The following DMD variants were observed in gnomAD, a reference collection of about 807,000 sequenced individuals.
The protein encoded by DMD is dystrophin.
In DMD, 63 loss-of-function variants were observed where a neutral mutation model predicts 330.1. That is an observed-to-expected ratio of 0.19 (90% CI 0.16 to 0.24). DMD has a LOEUF of 0.24. Among genes scored for constraint, DMD ranks in the 10% least tolerant of loss-of-function variants. DMD has a pLI of 1.00. For missense variants in DMD, 3,344 were observed against 2,684.1 expected (o/e 1.25, Z -5.43); for synonymous variants, 1,223 against 959.8 (o/e 1.27, Z -5.07).
At chrX:33,318,316 T>A (rs993834442) in intron 1 of DMD, among the ~76,000 whole-genome samples, 2 of 111,339 alleles carry the variant, frequency 1.8e-5, no homozygotes, top group African/African-American at 6.5e-5. Flanking sequence ...ACTGTTCTAC[T>A]GAAACAATTA....
At chrX:31,402,217 C>T (rs1022545282) in intron 60 of DMD, among the ~76,000 whole-genome samples, 24 of 111,417 alleles carry the variant, frequency 2.2e-4, no homozygotes, top group Non-Finnish European at 5.7e-5. Flanking sequence ...TGGCAACAGC[C>T]TAGACAATTA....
intron 75 of DMD, among the ~76,000 whole-genome samples, chrX:31,147,055 A>G (rs1471549562): frequency 8.9e-6 from 1 of 112,084 alleles, no homozygotes; most frequent in African/African-American, 3.2e-5. Context: ...TTGGTCAAGA[A>G]AAAACCATTT....
intron 48 of DMD, among the ~76,000 whole-genome samples, chrX:31,849,890 T>A (rs1159295258): frequency 2.7e-5 from 3 of 111,273 alleles, no homozygotes; most frequent in African/African-American, 9.8e-5. Context: ...TAAGTGTCCA[T>A]TCACTTAATT....
chrX:32,570,214 T>A (rs2052249372), intron 15 of DMD, among the ~76,000 whole-genome samples: 1 of 111,432 alleles, frequency 9.0e-6, no homozygotes. Flanking sequence ...CCTAGACATG[T>A]AGTGAAAACT....
At chrX:32,506,677 C>T (rs1178663878) in intron 18 of DMD, among the ~76,000 whole-genome samples, 1 of 111,721 alleles carries the variant, frequency 9.0e-6, no homozygotes, top group Non-Finnish European at 1.9e-5. Context: ...GTGACAGACA[C>T]TTTTTAATAT....
In DMD at chrX:31,187,862, C is replaced by T. The variant is rs891696723; in HGVS notation, c.9808-4958G>A. On this transcript the variant is annotated intron_variant, in intron 67 of 78. Transcript: ENST00000357033. ...TATGTGAATGGCTCTCGCATAGGGG[C>T]CTGTGACCAGCTGTTCGATCTCTCC... Among the ~76,000 whole-genome samples, 8 of 109,514 alleles carry T rather than the reference C, an allele frequency of 7.3e-5. No homozygotes were observed. The Admixed American group carries it at 7.8e-4, about 11-fold the overall frequency.
At chrX:31,178,013 C>G in intron 70 of DMD, 43 bp from the exon 71 acceptor site, 1 of 1,162,388 alleles carries the variant, frequency 8.6e-7, no homozygotes, top group Non-Finnish European at 1.2e-6. Flanking sequence ...CACACGCAAA[C>G]TCAGCCGCAA....
intron 27 of DMD, among the ~76,000 whole-genome samples, chrX:32,443,970 A>T (rs1168416804): frequency 9.0e-6 from 1 of 111,353 alleles, no homozygotes; most frequent in Non-Finnish European, 1.9e-5. Flanking sequence ...TCTGTAAAAC[A>T]TGTATATAGA....
At chrX:32,299,373 A>G (rs932670271) in intron 42 of DMD, among the ~76,000 whole-genome samples, 6 of 111,091 alleles carry the variant, frequency 5.4e-5, no homozygotes, top group Admixed American at 3.9e-4. Flanking sequence ...AGGAAAAAAA[A>G]GAAAAAACTG....
intron 11 of DMD, among the ~76,000 whole-genome samples, chrX:32,638,414 C>A (rs1408923166): frequency 8.9e-6 from 1 of 112,073 alleles, no homozygotes; most frequent in East Asian, 2.8e-4. Context: ...GTCTTAATTT[C>A]AGTTAGATCA....
chrX:32,652,770 A>T (rs985131968), intron 9 of DMD, among the ~76,000 whole-genome samples: 5 of 111,635 alleles, frequency 4.5e-5, no homozygotes, highest in African/African-American at 1.6e-4. Context: ...CTAGTTTACA[A>T]TCCCATCAAC....
At chrX:32,578,609 C>T (rs1398206425) in intron 13 of DMD, among the ~76,000 whole-genome samples, 1 of 111,697 alleles carries the variant, frequency 9.0e-6, no homozygotes, top group Non-Finnish European at 1.9e-5. Context: ...AAAATGGCTA[C>T]TAAAAGAACA....
At chrX:32,518,221 T>C (rs2046056226) in intron 17 of DMD, 90 bp from the exon 18 acceptor site, 1 of 950,596 alleles carries the variant, frequency 1.1e-6, no homozygotes, top group African/African-American at 2.0e-5. Flanking sequence ...TATCATTCTT[T>C]TCTCAATCTG....
chrX:33,139,116 G>C (rs5972762), intron 1 of DMD, among the ~76,000 whole-genome samples: 8,381 of 109,716 alleles, frequency 0.076, 356 homozygotes, highest in South Asian at 0.19. Flanking sequence ...TGAGACCAAA[G>C]CAGGCAACAT....
Position 33,102,326 on chromosome X carries a change from T to G in DMD, c.32-82126A>C, listed in dbSNP as rs960768192. 4.5e-5 allele frequency among the ~76,000 whole-genome samples: 5 copies of G among 109,917 alleles called. No homozygotes were observed. In the Admixed American group the frequency reaches 4.9e-4, roughly 11 times the overall value. On this transcript the variant is annotated intron_variant, in intron 1 of 78. Transcript: ENST00000357033. ...AGGCTGGTTTTTTTTGTTTTTTTTT[T>G]TTTTTAAGTATTCCACTTTAAAAAC...
At chrX:32,398,646 C>T (rs148435768) in intron 30 of DMD, among the ~76,000 whole-genome samples, 41 of 111,139 alleles carry the variant, frequency 3.7e-4, no homozygotes, top group Non-Finnish European at 7.0e-4. Context: ...AACGATGTTA[C>T]GCTTAGTCAT....
chrX:31,789,921 A>AT (rs753565110), intron 50 of DMD, among the ~76,000 whole-genome samples: 147 of 111,615 alleles, frequency 1.3e-3, no homozygotes, highest in African/African-American at 4.7e-3. Flanking sequence ...CTTGAGAAAC[A>AT]TAACTACTAA....
At chrX:32,176,142 T>G (rs1465348930) in intron 44 of DMD, among the ~76,000 whole-genome samples, 1 of 112,318 alleles carries the variant, frequency 8.9e-6, no homozygotes, top group East Asian at 2.8e-4. Flanking sequence ...GTCCATCAGT[T>G]CTTCTTCAAA....
At chrX:32,572,366 G>A (rs1361399821) in intron 15 of DMD, among the ~76,000 whole-genome samples, 2 of 111,144 alleles carry the variant, frequency 1.8e-5, no homozygotes, top group South Asian at 3.8e-4. Flanking sequence ...GTGAAATTAT[G>A]GAACACTACT....
Sources: gnomAD v4.1 joint callset for allele counts (sites outside exome capture counted in the v4.1 genomes callset) on GRCh38, gnomAD v4.1.1 for gene constraint, MANE v1.5 for transcripts, NCBI Gene and HGNC (gene_info 2026-07-23, HGNC 2026-07-21) for gene names.